The following DTWD2 variants were observed in gnomAD, a reference collection of about 807,000 sequenced individuals.
DTWD2 encodes the protein DTW motif tRNA-uridine aminocarboxypropyltransferase 2, also known as tRNA-uridine aminocarboxypropyltransferase 2.
In DTWD2, 39 loss-of-function variants were observed where a neutral mutation model predicts 31.8. The ratio of observed to expected loss-of-function variants is 1.22; its 90% CI spans 0.95 to 1.60. The LOEUF (loss-of-function observed/expected upper bound fraction) is 1.60, where lower values mean the gene tolerates loss of function less well. Ranked by LOEUF, DTWD2 falls within the 40% of genes most tolerant of loss-of-function variation. DTWD2 has a pLI of 0.00. For synonymous variants in DTWD2, 180 were observed against 142.8 expected (o/e 1.26, Z -1.86); for missense variants, 515 against 381.5 (o/e 1.35, Z -2.92).
intron 1 of DTWD2, among the ~76,000 whole-genome samples, chr5:118,987,524 C>T (rs1227155168): frequency 6.6e-6 from 1 of 152,224 alleles, no homozygotes; most frequent in Non-Finnish European, 1.5e-5. Flanking sequence ...GTTCATGACA[C>T]CATTGAGCTA....
chr5:118,870,010 C>A (rs1185938784), intron 4 of DTWD2, among the ~76,000 whole-genome samples: 1 of 152,164 alleles, frequency 6.6e-6, no homozygotes, highest in Non-Finnish European at 1.5e-5. Flanking sequence ...CCTCCTCTCC[C>A]TCTTGCTCCC....
intron 4 of DTWD2, among the ~76,000 whole-genome samples, chr5:118,873,265 G>T (rs976589739): frequency 6.6e-6 from 1 of 152,304 alleles, no homozygotes. Flanking sequence ...TTAGCCCTAG[G>T]GGAAATGTCA....
At chr5:118,884,996 CAAAAAA>C (rs36042211) in intron 4 of DTWD2, among the ~76,000 whole-genome samples, 7 of 49,746 alleles carry the variant, frequency 1.4e-4, no homozygotes, top group East Asian at 5.7e-4. Context: ...ACTCCATCTC[CAAAAAA>C]AAAAAAAAAA....
chr5:118,949,019 A>C (rs944299448), intron 1 of DTWD2, among the ~76,000 whole-genome samples: 3 of 152,274 alleles, frequency 2.0e-5, no homozygotes, highest in African/African-American at 7.2e-5. Context: ...TGTTTTTATT[A>C]AGAATTATGC....
At chr5:118,974,081 G>A in intron 1 of DTWD2, 3 of 1,602,236 alleles carry the variant, frequency 1.9e-6, no homozygotes, top group Non-Finnish European at 2.6e-6. Context: ...TGATGAGGAT[G>A]ACGATGTCGA....
intron 4 of DTWD2, among the ~76,000 whole-genome samples, chr5:118,907,364 G>A (rs533889902): frequency 6.6e-6 from 1 of 152,116 alleles, no homozygotes; most frequent in Non-Finnish European, 1.5e-5. Flanking sequence ...GAGAGAAAGA[G>A]ATTTCTTATA....
rs117855426 is a variant in DTWD2 at position 118,953,263 on chromosome 5, C to T, written c.219-8614G>A. Among the ~76,000 whole-genome samples, 13 of 152,310 alleles carry T rather than the reference C, an allele frequency of 8.5e-5. No individual in the cohort carries two copies. The East Asian group carries it at 2.3e-3, about 27-fold the overall frequency. On this transcript the variant is annotated intron_variant, in intron 1 of 5. Coordinates refer to ENST00000510708, the MANE Select transcript of DTWD2 (RefSeq NM_173666.4). ...GTGCAAGGCTCTAGAGGTGTCCACACCAGTGGGTTTTATTTTTCAAGTGAC... is the reference window on the plus strand; with the variant it reads ...GTGCAAGGCTCTAGAGGTGTCCACATCAGTGGGTTTTATTTTTCAAGTGAC...
intron 1 of DTWD2, among the ~76,000 whole-genome samples, chr5:118,976,795 C>T (rs577307273): frequency 9.9e-5 from 15 of 152,216 alleles, no homozygotes; most frequent in African/African-American, 3.1e-4. Flanking sequence ...GAAACTATTT[C>T]AAATAATAGA....
At chr5:118,965,555 A>C (rs1390094370) in intron 1 of DTWD2, among the ~76,000 whole-genome samples, 1 of 152,216 alleles carries the variant, frequency 6.6e-6, no homozygotes, top group Non-Finnish European at 1.5e-5. Context: ...TAGACATAGG[A>C]GACTCCATTT....
chr5:118,934,785 G>T (rs941297789), intron 3 of DTWD2, among the ~76,000 whole-genome samples: 2 of 152,152 alleles, frequency 1.3e-5, no homozygotes, highest in African/African-American at 2.4e-5. Context: ...AACAGAGATT[G>T]TTAGATTAAA....
At chr5:118,936,730 G>T (rs987681867) in intron 3 of DTWD2, among the ~76,000 whole-genome samples, 4 of 151,488 alleles carry the variant, frequency 2.6e-5, no homozygotes, top group Admixed American at 2.6e-4. Context: ...AGAAAAAAGA[G>T]AAATTAAATC....
intron 1 of DTWD2, among the ~76,000 whole-genome samples, chr5:118,945,774 A>AAAAAGAAAGAAAG (rs1336464124): frequency 3.7e-5 from 5 of 134,262 alleles, no homozygotes; most frequent in African/African-American, 1.4e-4. Flanking sequence ...CAAAAAAAAA[A>AAAAAGAAAGAAAG]AAAGAAAGAA....
intron 1 of DTWD2, among the ~76,000 whole-genome samples, chr5:118,976,531 A>G (rs1755164207): frequency 6.6e-6 from 1 of 152,236 alleles, no homozygotes; most frequent in African/African-American, 2.4e-5. Flanking sequence ...CCACAGAAAT[A>G]CAAACTACCA....
At chr5:118,900,532 T>C (rs1292972223) in intron 4 of DTWD2, among the ~76,000 whole-genome samples, 1 of 152,214 alleles carries the variant, frequency 6.6e-6, no homozygotes, top group African/African-American at 2.4e-5. Context: ...TCTAAAACTA[T>C]AGTCATATCC....
At chr5:118,845,874 T>A (rs75107121) in intron 5 of DTWD2, among the ~76,000 whole-genome samples, 2,041 of 152,274 alleles carry the variant, frequency 0.013, 49 homozygotes, top group African/African-American at 0.047. Context: ...TTTTAAGATA[T>A]CACATCACAA....
chr5:118,865,176 C>A (rs780961299), intron 4 of DTWD2, among the ~76,000 whole-genome samples: 1 of 152,138 alleles, frequency 6.6e-6, no homozygotes, highest in Non-Finnish European at 1.5e-5. Flanking sequence ...AAAAAGCATT[C>A]CTTCACAACC....
chr5:118,902,321 T>C (rs556711488), intron 4 of DTWD2, among the ~76,000 whole-genome samples: 132 of 152,144 alleles, frequency 8.7e-4, no homozygotes, highest in African/African-American at 3.1e-3. Context: ...ATGAGTAAAA[T>C]ATAAGTAGGT....
intron 1 of DTWD2, among the ~76,000 whole-genome samples, chr5:118,968,743 G>T (rs1166948943): frequency 6.6e-6 from 1 of 152,202 alleles, no homozygotes; most frequent in African/African-American, 2.4e-5. Context: ...TGCATACTCT[G>T]GCCCTGGGAA....
At chr5:118,928,755 C>T in intron 3 of DTWD2, 26 bp from the exon 4 acceptor site, 2 of 1,462,628 alleles carry the variant, frequency 1.4e-6, no homozygotes, top group Non-Finnish European at 9.1e-7. Flanking sequence ...AAAAATATAT[C>T]TTTATTAGCT....
Sources: allele counts gnomAD v4.1 joint callset (sites outside exome capture counted in the v4.1 genomes callset), GRCh38; gene constraint gnomAD v4.1.1; transcripts MANE v1.5; gene names NCBI Gene and HGNC (gene_info 2026-07-23, HGNC 2026-07-21).